KPNA3: variants seen among roughly 807,000 people sequenced by gnomAD.
The protein encoded by KPNA3 is importin subunit alpha-4.
KPNA3 carries 13 observed loss-of-function variants against 73.8 expected under a neutral mutation model. The ratio of observed to expected loss-of-function variants is 0.18; its 90% CI spans 0.11 to 0.28. The LOEUF (loss-of-function observed/expected upper bound fraction) is 0.28, where lower values mean the gene tolerates loss of function less well. Among genes scored for constraint, KPNA3 ranks in the 10% least tolerant of loss-of-function variants. KPNA3 has a pLI of 1.00. For synonymous variants in KPNA3, 186 were observed against 206.9 expected, an observed-to-expected ratio of 0.90 and a Z score of 0.87; for missense variants, 360 against 618.1, an observed-to-expected ratio of 0.58 and a Z score of 4.43.
At chr13:49,781,127 C>G (rs1376732678) in intron 1 of KPNA3, among the ~76,000 whole-genome samples, 3 of 152,194 alleles carry the variant, frequency 2.0e-5, no homozygotes, top group African/African-American at 7.2e-5. Flanking sequence ...ACTTTCAGCT[C>G]AGGCACAATC....
intron 1 of KPNA3, among the ~76,000 whole-genome samples, chr13:49,762,837 C>T (rs943050590): frequency 5.0e-4 from 74 of 147,934 alleles, no homozygotes; most frequent in African/African-American, 1.5e-3. Context: ...TCCCCCTCTG[C>T]GAGAAACACC....
intron 1 of KPNA3, among the ~76,000 whole-genome samples, chr13:49,762,932 A>AAAG (rs1555307132): frequency 6.7e-4 from 99 of 148,216 alleles, no homozygotes; most frequent in Non-Finnish European, 6.0e-4. Flanking sequence ...AAAAACAAAA[A>AAAG]AAGAAGAGGA....
chr13:49,788,717 C>CTTTT (rs143440962), intron 1 of KPNA3, among the ~76,000 whole-genome samples: 30 of 112,666 alleles, frequency 2.7e-4, no homozygotes, highest in African/African-American at 1.1e-3. Context: ...GCCAGACCCT[C>CTTTT]TTTTTTTTTT....
Position 49,732,844 on chromosome 13 carries a change from CTGAGT to C in KPNA3, c.205-73_205-69del. On this transcript the variant is annotated intron_variant, in intron 3 of 16. Coordinates refer to ENST00000261667, the MANE Select transcript of KPNA3 (RefSeq NM_002267.4). ...AAATTACATTCATTAAACAGTGTAC[CTGAGT>C]TAATATACTTTCATTATCATTATAA... is the stretch of plus-strand genomic sequence containing the variant. 3 of 1,352,988 alleles carry C rather than the reference CTGAGT, an allele frequency of 2.2e-6. No individual in the cohort carries two copies. The East Asian group carries it at 7.0e-5, about 32-fold the overall frequency. 83.8% of individuals were successfully genotyped at this position (1,352,988 alleles called of 1,614,324 possible). A position where few individuals can be genotyped will look rare whatever the true frequency, so the allele number is the denominator to read the frequency against.
chr13:49,746,354 T>A (rs1490296482), intron 2 of KPNA3, among the ~76,000 whole-genome samples: 1 of 151,968 alleles, frequency 6.6e-6, no homozygotes, highest in Admixed American at 6.6e-5. Flanking sequence ...GTGGTGTGCC[T>A]GCATTCATAG....
chr13:49,733,054 GC>G lies in KPNA3; in HGVS notation c.115-9del. On this transcript the variant is annotated splice_polypyrimidine_tract_variant and intron_variant, in intron 2 of 16. Transcript: ENST00000261667. ...GTGTTCATCTCTTTTGTTCTGAAAG[GC>G]AACCAATAAATGCTTAAGAAGTCAT... 1.3e-6 allele frequency: 2 copies of G among 1,568,314 alleles called. No homozygotes were observed. Among genetic ancestry groups the G allele is most frequent in the Non-Finnish European group, 1.8e-6 (2 of 1,141,006 alleles).
At chr13:49,709,441 T>A in intron 12 of KPNA3, 131 bp downstream of exon 12, 2 of 611,438 alleles carry the variant, frequency 3.3e-6, no homozygotes, top group South Asian at 3.4e-5. Flanking sequence ...TTTGCAGAGG[T>A]GATTTAAAAT....
At chr13:49,760,023 T>C (rs1451233899) in intron 1 of KPNA3, among the ~76,000 whole-genome samples, 1 of 152,206 alleles carries the variant, frequency 6.6e-6, no homozygotes, top group Non-Finnish European at 1.5e-5. Context: ...GATGCAGTCA[T>C]GTTCCCAATT....
Position 49,700,874 on chromosome 13 carries a change from AATGGGT to A in KPNA3, c.*920_*925del, listed in dbSNP as rs1301160847. ...CAAGATTTTTTTAAAAAACATCACC[AATGGGT>A]ATTTTAGACTTTTGCAGTTTTTTTT... On this transcript the variant is annotated 3_prime_UTR_variant, in exon 17 of 17. Coordinates refer to ENST00000261667, the MANE Select transcript of KPNA3 (RefSeq NM_002267.4). 6.6e-6 allele frequency: 1 copy of A among 152,528 alleles called. No homozygotes were observed. The highest frequency in any genetic ancestry group is 2.4e-5 in the African/African-American group (1 of 41,458). The allele number at this position is 152,528 out of a possible 1,614,324, so 9.4% of individuals were successfully genotyped here. A position where few individuals can be genotyped will look rare whatever the true frequency, so the allele number is the denominator to read the frequency against.
intron 1 of KPNA3, among the ~76,000 whole-genome samples, chr13:49,766,693 A>G (rs938465113): frequency 2.6e-5 from 4 of 152,206 alleles, no homozygotes; most frequent in Admixed American, 2.0e-4. Flanking sequence ...TAAATCGGAA[A>G]CTTCAAACTT....
chr13:49,724,002 G>A (rs1954385434), intron 7 of KPNA3, among the ~76,000 whole-genome samples: 1 of 152,044 alleles, frequency 6.6e-6, no homozygotes, highest in Non-Finnish European at 1.5e-5. Context: ...TGTCTTTACA[G>A]ATTTGCCTAT....
intron 12 of KPNA3, among the ~76,000 whole-genome samples, chr13:49,708,968 T>C (rs971002141): frequency 1.8e-4 from 28 of 152,342 alleles, no homozygotes; most frequent in South Asian, 4.1e-4. Flanking sequence ...CCCATTCAAA[T>C]GGCAGATTTT....
In KPNA3 at chr13:49,699,437, G is replaced by A. The variant is rs1265539589; in HGVS notation, c.*2363C>T. On this transcript the variant is annotated 3_prime_UTR_variant, in exon 17 of 17. Coordinates refer to ENST00000261667, the MANE Select transcript of KPNA3 (RefSeq NM_002267.4). ...GAACGTTTTAGTCTTTTTAAACTGA[G>A]TTTAAAAAAAAATAACAATGCAATT... The A allele has an allele frequency of 2.0e-5, 3 of 152,234 alleles. No homozygotes were observed. The East Asian group carries it at 5.8e-4, about 29-fold the overall frequency. The allele number at this position is 152,234 out of a possible 1,614,324, so 9.4% of individuals were successfully genotyped here.
intron 1 of KPNA3, among the ~76,000 whole-genome samples, chr13:49,749,406 G>A (rs1349943345): frequency 1.3e-5 from 2 of 152,182 alleles, no homozygotes; most frequent in East Asian, 1.9e-4. Flanking sequence ...CAAGATATAC[G>A]AATTGACTAG....
chr13:49,792,561 C>CGGT lies in KPNA3; in HGVS notation c.-56_-55insACC. The CGGT allele has an allele frequency of 1.1e-6, 1 of 934,304 alleles. No individual in the cohort carries two copies. The highest frequency in any genetic ancestry group is 1.6e-6 in the Non-Finnish European group (1 of 633,704). 57.9% of individuals were successfully genotyped at this position (934,304 alleles called of 1,614,324 possible). A position where few individuals can be genotyped will look rare whatever the true frequency, so the allele number is the denominator to read the frequency against. ...CCTGCGGCTGCGGCGGCGGCGGCGG[C>CGGT]GAATCTTGGAGCGGGAGGGGGAGGA... On this transcript the variant is annotated 5_prime_UTR_variant, in exon 1 of 17. Transcript: ENST00000261667.
At chr13:49,737,557 G>A (rs566716356) in intron 2 of KPNA3, among the ~76,000 whole-genome samples, 2 of 98,568 alleles carry the variant, frequency 2.0e-5, no homozygotes, top group African/African-American at 7.7e-5. Flanking sequence ...TTAAGTGTGT[G>A]TGTCTGTGTG....
Position 49,722,399 on chromosome 13 carries a change from CAT to C in KPNA3, c.556+76_556+77del. Reference sequence around the variant, plus strand: ...CAACACACATTAAATTCAGAGGAAACATAGTATGTAATGGCTATGCCAATGTA... The same window carrying C: ...CAACACACATTAAATTCAGAGGAAACAGTATGTAATGGCTATGCCAATGTA... On this transcript the variant is annotated intron_variant, in intron 8 of 16. Transcript: ENST00000261667. 4.3e-6 allele frequency: 4 copies of C among 922,562 alleles called. No individual in the cohort carries two copies. The Admixed American group carries it at 8.7e-5, about 20-fold the overall frequency. The allele number at this position is 922,562 out of a possible 1,614,324, so 57.1% of individuals were successfully genotyped here.
intron 1 of KPNA3, among the ~76,000 whole-genome samples, chr13:49,782,213 A>G (rs1954946510): frequency 6.6e-6 from 1 of 152,220 alleles, no homozygotes; most frequent in Non-Finnish European, 1.5e-5. Context: ...GGTTGTTTCC[A>G]AAAGCAGGGG....
intron 1 of KPNA3, 32 bp downstream of exon 1, chr13:49,792,406 C>T: frequency 6.7e-7 from 1 of 1,497,794 alleles, no homozygotes; most frequent in Non-Finnish European, 8.9e-7. Context: ...CCGGCGCGGC[C>T]AGGCGGGCCC....
Sources: gnomAD v4.1 joint callset for allele counts (sites outside exome capture counted in the v4.1 genomes callset) on GRCh38, gnomAD v4.1.1 for gene constraint, MANE v1.5 for transcripts, NCBI Gene and HGNC (gene_info 2026-07-23, HGNC 2026-07-21) for gene names.